AGBL4: variants seen among roughly 807,000 people sequenced by gnomAD.
The protein encoded by AGBL4 is cytosolic carboxypeptidase 6.
In AGBL4, 58 loss-of-function variants were observed where a neutral mutation model predicts 66.4. The ratio of observed to expected loss-of-function variants is 0.87; its 90% CI spans 0.71 to 1.09. The LOEUF (loss-of-function observed/expected upper bound fraction) is 1.09, where lower values mean the gene tolerates loss of function less well. AGBL4 is among the 50% of genes least tolerant of loss of function. The probability of loss-of-function intolerance (pLI) is 0.00; values close to 1 mark genes in which losing one functional copy is unlikely to be tolerated. For missense variants in AGBL4, 579 were observed against 631.0 expected, an observed-to-expected ratio of 0.92 and a Z score of 0.88; for synonymous variants, 234 against 222.9, an observed-to-expected ratio of 1.05 and a Z score of -0.44.
At chr1:48,777,168 A>C (rs919869460) in intron 6 of AGBL4, among the ~76,000 whole-genome samples, 3 of 152,276 alleles carry the variant, frequency 2.0e-5, no homozygotes, top group African/African-American at 7.2e-5. Flanking sequence ...TCAGAGATTC[A>C]GTTGCAATAA....
intron 3 of AGBL4, among the ~76,000 whole-genome samples, chr1:49,477,069 G>T (rs1198243544): frequency 1.3e-5 from 2 of 152,076 alleles, no homozygotes. Flanking sequence ...ATACCAGGTA[G>T]GTTTTTTAAG....
At chr1:49,895,615 CTTGT>C (rs1358388099) in intron 1 of AGBL4, among the ~76,000 whole-genome samples, 1 of 151,864 alleles carries the variant, frequency 6.6e-6, no homozygotes, top group African/African-American at 2.4e-5. Flanking sequence ...TTTCCTTTTG[CTTGT>C]TTGTTTATGC....
At chr1:49,293,137 G>A (rs1259149433) in intron 3 of AGBL4, among the ~76,000 whole-genome samples, 1 of 152,202 alleles carries the variant, frequency 6.6e-6, no homozygotes. Context: ...AGTTGCTTGT[G>A]TTGTGCCTGG....
In AGBL4 at chr1:49,982,705, G is replaced by C. The variant is rs145934684; in HGVS notation, c.34+41058C>G. Among the ~76,000 whole-genome samples, 49 of 152,226 alleles carry C rather than the reference G, an allele frequency of 3.2e-4. No homozygotes were observed. The East Asian group carries it at 8.2e-3, about 25-fold the overall frequency. On this transcript the variant is annotated intron_variant, in intron 1 of 13. Coordinates refer to ENST00000371839, the MANE Select transcript of AGBL4 (RefSeq NM_032785.4). ...TGGCCGCCCATGAACCAATCAACAT[G>C]CACTTCATCCCCTCTGAACCCCATA...
chr1:48,736,134 A>C lies in AGBL4; in HGVS notation c.635-72893T>G, dbSNP rs1186177470. On this transcript the variant is annotated intron_variant, in intron 6 of 13. Coordinates refer to ENST00000371839, the MANE Select transcript of AGBL4 (RefSeq NM_032785.4). The surrounding 1 kb of genome is among the most constrained non-coding windows in gnomAD (Gnocchi z 4.0). ...CCCCGGGCTCAGCCCAGGGTCTGGC[A>C]TGCAGAAGCTTCATAAGTAATCGTT... The C allele has an allele frequency of 7.6e-7, 1 of 1,321,878 alleles. No homozygotes were observed. The highest frequency in any genetic ancestry group is 1.5e-5 in the African/African-American group (1 of 68,340). 81.9% of individuals were successfully genotyped at this position (1,321,878 alleles called of 1,614,324 possible). A position where few individuals can be genotyped will look rare whatever the true frequency, so the allele number is the denominator to read the frequency against.
intron 2 of AGBL4, among the ~76,000 whole-genome samples, chr1:49,833,600 C>A (rs541653104): frequency 1.3e-4 from 20 of 152,056 alleles, no homozygotes; most frequent in Admixed American, 5.2e-4. Context: ...GCCATTTTCA[C>A]GATATTGATT....
At chr1:49,839,934 A>G (rs1173607183) in intron 2 of AGBL4, among the ~76,000 whole-genome samples, 1 of 152,168 alleles carries the variant, frequency 6.6e-6, no homozygotes, top group South Asian at 2.1e-4. Flanking sequence ...AGTAAAACAA[A>G]CAGGGCAGCA....
intron 5 of AGBL4, among the ~76,000 whole-genome samples, chr1:49,032,836 T>A (rs1289203195): frequency 1.3e-5 from 2 of 152,054 alleles, no homozygotes. Context: ...GAGAATAACT[T>A]AAAAGAAGAA....
intron 3 of AGBL4, among the ~76,000 whole-genome samples, chr1:49,345,406 A>G (rs1645617012): frequency 6.6e-6 from 1 of 152,148 alleles, no homozygotes; most frequent in East Asian, 1.9e-4. Context: ...TTTAAAGGGC[A>G]GTTTATAATC....
chr1:49,553,516 C>A (rs372570576), intron 3 of AGBL4, among the ~76,000 whole-genome samples: 30 of 152,268 alleles, frequency 2.0e-4, no homozygotes, highest in African/African-American at 7.2e-4. Context: ...ACCACATCCC[C>A]CATTAACGTT....
intron 6 of AGBL4, among the ~76,000 whole-genome samples, chr1:48,821,623 A>C (rs1232754963): frequency 6.6e-6 from 1 of 152,146 alleles, no homozygotes; most frequent in Admixed American, 6.6e-5. Context: ...GGGGAACGTT[A>C]AAAAATGACC....
At chr1:49,629,056 G>A (rs1190913368) in intron 3 of AGBL4, among the ~76,000 whole-genome samples, 1 of 152,122 alleles carries the variant, frequency 6.6e-6, no homozygotes, top group African/African-American at 2.4e-5. Flanking sequence ...CCACCACCCT[G>A]CATCCTTTTA....
intron 6 of AGBL4, among the ~76,000 whole-genome samples, chr1:48,816,048 TGTGTGTGTGTG>T (rs1646165953): frequency 0.16 from 227 of 1,446 alleles, 1 homozygote; most frequent in African/African-American, 0.19. Context: ...AACTGTTTTG[TGTGTGTGTGTG>T]TGTGTGTGTG....
intron 3 of AGBL4, among the ~76,000 whole-genome samples, chr1:49,387,492 T>G (rs1356918106): frequency 6.6e-6 from 1 of 151,822 alleles, no homozygotes; most frequent in African/African-American, 2.4e-5. Flanking sequence ...GCTTATAGAC[T>G]CCTTTCATCC....
At chr1:49,119,169 T>C (rs1557656438) in intron 4 of AGBL4, among the ~76,000 whole-genome samples, 1 of 152,248 alleles carries the variant, frequency 6.6e-6, no homozygotes, top group Admixed American at 6.5e-5. Context: ...CATTGATTTT[T>C]TGAAGGGTTT....
chr1:49,207,540 T>TC lies in AGBL4; in HGVS notation c.377+38229dup, dbSNP rs1360606975. 2.8e-3 allele frequency among the ~76,000 whole-genome samples: 397 copies of TC among 141,492 alleles called. 1 individual carries two copies. The highest frequency in any genetic ancestry group is 6.7e-3 in the African/African-American group (253 of 37,996). 92.8% of individuals were successfully genotyped at this position (141,492 alleles called of 152,430 possible). A position where few individuals can be genotyped will look rare whatever the true frequency, so the allele number is the denominator to read the frequency against. On this transcript the variant is annotated intron_variant, in intron 4 of 13. Coordinates refer to ENST00000371839, the MANE Select transcript of AGBL4 (RefSeq NM_032785.4). Reference sequence around the variant, plus strand: ...CTTTCTTTCTCTCTTTCTTTTTCTTTCTTTTCTTTCTTTCTTTCTTTCTTT... The same window carrying TC: ...CTTTCTTTCTCTCTTTCTTTTTCTTTCCTTTTCTTTCTTTCTTTCTTTCTTT...
chr1:49,116,434 T>C (rs938042917), intron 4 of AGBL4, among the ~76,000 whole-genome samples: 1 of 152,182 alleles, frequency 6.6e-6, no homozygotes, highest in African/African-American at 2.4e-5. Context: ...AGTATTCTCA[T>C]TGTTGAATTC....
chr1:49,639,384 TAAC>T (rs1194288763), intron 3 of AGBL4, among the ~76,000 whole-genome samples: 1 of 152,212 alleles, frequency 6.6e-6, no homozygotes, highest in African/African-American at 2.4e-5. Context: ...TAAATCCTCA[TAAC>T]AACTTGATAA....
At chr1:49,476,048 G>A (rs1242695109) in intron 3 of AGBL4, among the ~76,000 whole-genome samples, 5 of 151,844 alleles carry the variant, frequency 3.3e-5, no homozygotes, top group East Asian at 1.9e-4. Context: ...ATATTGAGGT[G>A]CTTAGCATTG....
Sources: gnomAD v4.1 joint callset for allele counts (sites outside exome capture counted in the v4.1 genomes callset) on GRCh38, gnomAD v4.1.1 for gene constraint, Gnocchi (gnomAD v3.1) non-coding constraint, MANE v1.5 for transcripts, NCBI Gene and HGNC (gene_info 2026-07-23, HGNC 2026-07-21) for gene names.